SRGAP1: variants seen among roughly 807,000 people sequenced by gnomAD.
The protein encoded by SRGAP1 is SLIT-ROBO Rho GTPase activating protein 1.
SRGAP1 carries 43 observed loss-of-function variants against 121.9 expected under a neutral mutation model. The observed-to-expected ratio is 0.35, with a 90% CI of 0.28 to 0.46. The LOEUF (loss-of-function observed/expected upper bound fraction) is 0.46, where lower values mean the gene tolerates loss of function less well. SRGAP1 is among the 20% of genes least tolerant of loss of function. SRGAP1 has a pLI of 1.00. For missense variants in SRGAP1, 1,102 were observed against 1,350.9 expected (o/e 0.82, Z 2.89); for synonymous variants, 447 against 485.4 (o/e 0.92, Z 1.04).
At chr12:64,032,611 GC>G in intron 4 of SRGAP1, 1 of 492,364 alleles carries the variant, frequency 2.0e-6, no homozygotes, top group East Asian at 3.6e-5. Flanking sequence ...CTGACAACAA[GC>G]CCCCACAGTC....
At chr12:63,861,155 A>T (rs1592891054) in intron 1 of SRGAP1, among the ~76,000 whole-genome samples, 2 of 145,386 alleles carry the variant, frequency 1.4e-5, no homozygotes, top group Admixed American at 7.0e-5. Flanking sequence ...TCCTCTAAGT[A>T]CTGCTTTACC....
intron 18 of SRGAP1, among the ~76,000 whole-genome samples, chr12:64,122,450 A>C (rs941361364): frequency 6.6e-6 from 1 of 152,174 alleles, no homozygotes. Context: ...CTCTCACAGG[A>C]GTAGAAAGAG....
At chr12:63,946,293 CTT>C (rs77103965) in intron 1 of SRGAP1, among the ~76,000 whole-genome samples, 5 of 136,706 alleles carry the variant, frequency 3.7e-5, no homozygotes, top group Admixed American at 1.5e-4. Flanking sequence ...CTTTTTTTTT[CTT>C]TTTTTTTTTT....
chr12:64,031,881 T>C (rs1159185330), intron 4 of SRGAP1, among the ~76,000 whole-genome samples: 4 of 152,176 alleles, frequency 2.6e-5, no homozygotes, highest in Non-Finnish European at 4.4e-5. Flanking sequence ...CATGTTGTCA[T>C]CTCTAATAGA....
At chr12:64,120,160 A>C (rs2036583601) in intron 18 of SRGAP1, among the ~76,000 whole-genome samples, 1 of 152,046 alleles carries the variant, frequency 6.6e-6, no homozygotes, top group African/African-American at 2.4e-5. Context: ...CTATTTATTC[A>C]TTAGCGCTTC....
chr12:63,947,085 A>G (rs955433863), intron 1 of SRGAP1, among the ~76,000 whole-genome samples: 1 of 152,234 alleles, frequency 6.6e-6, no homozygotes, highest in African/African-American at 2.4e-5. Flanking sequence ...CACTACAAAT[A>G]AAAGTGCTAT....
At chr12:64,130,965 C>G (rs2036775600) in intron 21 of SRGAP1, among the ~76,000 whole-genome samples, 1 of 152,210 alleles carries the variant, frequency 6.6e-6, no homozygotes, top group African/African-American at 2.4e-5. Context: ...GGTGCCATAT[C>G]GAGGGCTGTG....
chr12:64,001,381 C>G (rs2033892128), intron 3 of SRGAP1, among the ~76,000 whole-genome samples: 1 of 152,122 alleles, frequency 6.6e-6, no homozygotes, highest in Admixed American at 6.5e-5. Context: ...TTATCAACTC[C>G]CTGAAGTATT....
At chr12:64,060,016 TTGA>T (rs1422279364) in intron 6 of SRGAP1, among the ~76,000 whole-genome samples, 1 of 152,142 alleles carries the variant, frequency 6.6e-6, no homozygotes, top group African/African-American at 2.4e-5. Context: ...GCCCATTTAC[TTGA>T]TGATTGTTTT....
intron 1 of SRGAP1, among the ~76,000 whole-genome samples, chr12:63,971,438 CT>C (rs1162031133): frequency 6.6e-6 from 1 of 152,144 alleles, no homozygotes; most frequent in African/African-American, 2.4e-5. Flanking sequence ...TTTAAATTTA[CT>C]TGTTCCTTGT....
At chr12:63,967,904 C>G (rs905101631) in intron 1 of SRGAP1, among the ~76,000 whole-genome samples, 3 of 152,172 alleles carry the variant, frequency 2.0e-5, no homozygotes, top group Non-Finnish European at 4.4e-5. Flanking sequence ...GCCTGGACTT[C>G]AGATCATCTT....
intron 18 of SRGAP1, 90 bp from the exon 19 acceptor site, chr12:64,125,887 C>A: frequency 2.2e-6 from 3 of 1,334,270 alleles, no homozygotes; most frequent in South Asian, 2.9e-5. Context: ...TGGTCTTGAT[C>A]ATTTGAAGCC....
chr12:63,859,544 T>C (rs1592889684), intron 1 of SRGAP1, among the ~76,000 whole-genome samples: 1 of 152,228 alleles, frequency 6.6e-6, no homozygotes, highest in Non-Finnish European at 1.5e-5. Flanking sequence ...CGTTTTCATT[T>C]TCATTGAATT....
chr12:64,018,229 C>T (rs758435562), intron 4 of SRGAP1, among the ~76,000 whole-genome samples: 1 of 152,100 alleles, frequency 6.6e-6, no homozygotes, highest in Non-Finnish European at 1.5e-5. Context: ...GCTGGGATTA[C>T]AGGCATGCGC....
At chr12:64,047,062 T>C (rs1476175602) in intron 6 of SRGAP1, among the ~76,000 whole-genome samples, 1 of 152,204 alleles carries the variant, frequency 6.6e-6, no homozygotes, top group Non-Finnish European at 1.5e-5. Context: ...AACTGTTAAA[T>C]ATCCCAAGTG....
At chr12:63,899,541 G>A (rs1176267501) in intron 1 of SRGAP1, among the ~76,000 whole-genome samples, 1 of 152,204 alleles carries the variant, frequency 6.6e-6, no homozygotes, top group Non-Finnish European at 1.5e-5. Context: ...GACAGAAAAA[G>A]GAAAGTGGCT....
At chr12:64,047,975 T>C (rs942301230) in intron 6 of SRGAP1, among the ~76,000 whole-genome samples, 3 of 152,190 alleles carry the variant, frequency 2.0e-5, no homozygotes, top group Non-Finnish European at 2.9e-5. Flanking sequence ...CATTTCTTTT[T>C]GTTACAGACA....
intron 4 of SRGAP1, among the ~76,000 whole-genome samples, chr12:64,040,977 A>T (rs2035006336): frequency 6.6e-6 from 1 of 152,204 alleles, no homozygotes; most frequent in East Asian, 1.9e-4. Flanking sequence ...AATATAGCCA[A>T]AATGTGTAAT....
chr12:64,093,038 A>T (rs774097373), intron 12 of SRGAP1, among the ~76,000 whole-genome samples: 4 of 152,174 alleles, frequency 2.6e-5, no homozygotes, highest in Non-Finnish European at 5.9e-5. Context: ...AACAATACAG[A>T]GGGCTCCTTT....
Sources: allele counts gnomAD v4.1 joint callset (sites outside exome capture counted in the v4.1 genomes callset), GRCh38; gene constraint gnomAD v4.1.1; transcripts MANE v1.5; gene names NCBI Gene and HGNC (gene_info 2026-07-23, HGNC 2026-07-21).